Variants in PROS1 observed in about 807,000 individuals in gnomAD.
The protein encoded by PROS1 is vitamin K-dependent protein S.
In PROS1, 29 loss-of-function variants were observed where a neutral mutation model predicts 75.9. The observed-to-expected ratio is 0.38, with a 90% CI of 0.28 to 0.52. PROS1 has a LOEUF of 0.52. Ranked by LOEUF, PROS1 falls within the 20% of genes least tolerant of loss-of-function variation. The probability of loss-of-function intolerance (pLI) is 0.83; values close to 1 mark genes in which losing one functional copy is unlikely to be tolerated. For synonymous variants in PROS1, 245 were observed against 280.6 expected, an observed-to-expected ratio of 0.87 and a Z score of 1.27; for missense variants, 680 against 810.3, an observed-to-expected ratio of 0.84 and a Z score of 1.95.
intron 1 of PROS1, among the ~76,000 whole-genome samples, chr3:93,957,605 T>G (rs1261916555): frequency 6.6e-6 from 1 of 152,186 alleles, no homozygotes; most frequent in Non-Finnish European, 1.5e-5. Context: ...GTGATGGATA[T>G]GCTAATTTGC....
chr3:93,952,931 T>C (rs1460722337), intron 1 of PROS1, among the ~76,000 whole-genome samples: 1 of 152,130 alleles, frequency 6.6e-6, no homozygotes, highest in African/African-American at 2.4e-5. Context: ...CTAACTACCA[T>C]CAGAGAAAAC....
chr3:93,881,957 T>C (rs1249576988), intron 12 of PROS1, among the ~76,000 whole-genome samples: 5 of 152,120 alleles, frequency 3.3e-5, no homozygotes, highest in Admixed American at 6.6e-5. Flanking sequence ...TAATGCAAAG[T>C]GTTAGTAGCT....
intron 1 of PROS1, among the ~76,000 whole-genome samples, chr3:93,956,054 A>T (rs1407409719): frequency 6.6e-6 from 1 of 152,166 alleles, no homozygotes; most frequent in African/African-American, 2.4e-5. Flanking sequence ...ATCAGAAGAA[A>T]GTTTCCATCC....
chr3:93,952,162 A>G (rs1191798046), intron 1 of PROS1, among the ~76,000 whole-genome samples: 1 of 152,168 alleles, frequency 6.6e-6, no homozygotes, highest in Non-Finnish European at 1.5e-5. Flanking sequence ...TGTCAACATT[A>G]GATCAATGAG....
chr3:93,880,584 TG>T (rs1708262632), intron 12 of PROS1, among the ~76,000 whole-genome samples: 1 of 152,176 alleles, frequency 6.6e-6, no homozygotes. Context: ...GCACATATTT[TG>T]GGGTACATAT....
chr3:93,905,159 GA>G (rs1352140307), intron 6 of PROS1, among the ~76,000 whole-genome samples: 6 of 152,160 alleles, frequency 3.9e-5, no homozygotes, highest in Admixed American at 3.3e-4. Context: ...TATAATGTCT[GA>G]AAACAGGATA....
At chr3:93,950,800 C>T (rs1709483390) in intron 1 of PROS1, among the ~76,000 whole-genome samples, 1 of 152,128 alleles carries the variant, frequency 6.6e-6, no homozygotes, top group South Asian at 2.1e-4. Flanking sequence ...GGAATGCAGC[C>T]CCTCACTGGC....
At chr3:93,954,434 C>T (rs1232915765) in intron 1 of PROS1, among the ~76,000 whole-genome samples, 2 of 152,090 alleles carry the variant, frequency 1.3e-5, no homozygotes, top group Non-Finnish European at 2.9e-5. Context: ...CATCTACAAC[C>T]ACCTGATCTT....
chr3:93,876,100 T>A (rs905146524), intron 14 of PROS1, among the ~76,000 whole-genome samples: 3 of 152,212 alleles, frequency 2.0e-5, no homozygotes, highest in Non-Finnish European at 2.9e-5. Flanking sequence ...TTCTAACACA[T>A]ATCTCCGATC....
At chr3:93,923,088 G>T (rs1413160532) in intron 3 of PROS1, among the ~76,000 whole-genome samples, 1 of 152,102 alleles carries the variant, frequency 6.6e-6, no homozygotes, top group Non-Finnish European at 1.5e-5. Context: ...TCTGAGCCTG[G>T]ATCCCACATC....
At chr3:93,936,293 C>T (rs1388758876) in intron 1 of PROS1, among the ~76,000 whole-genome samples, 1 of 152,068 alleles carries the variant, frequency 6.6e-6, no homozygotes, top group Non-Finnish European at 1.5e-5. Context: ...AGTTGAAAAA[C>T]TAACTGTTGT....
rs541272849 is a variant in PROS1, at chr3:93,952,068, C to G, written c.76+21606G>C. ...ATATATGCACCCAATACAGGAGCACCCAGATTCACAAAGCAAGTCCTTAGA... is the reference window on the plus strand; with the variant it reads ...ATATATGCACCCAATACAGGAGCACGCAGATTCACAAAGCAAGTCCTTAGA... On this transcript the variant is annotated intron_variant, in intron 1 of 14. Coordinates refer to ENST00000394236, the MANE Select transcript of PROS1 (RefSeq NM_000313.4). Among the ~76,000 whole-genome samples, 149 of 152,186 alleles carry G rather than the reference C, an allele frequency of 9.8e-4. 1 individual carries two copies. The highest frequency in any genetic ancestry group is 3.2e-3 in the African/African-American group (132 of 41,510).
intron 1 of PROS1, among the ~76,000 whole-genome samples, chr3:93,954,155 G>A (rs1709559357): frequency 6.6e-6 from 1 of 152,142 alleles, no homozygotes; most frequent in South Asian, 2.1e-4. Flanking sequence ...ACTGCCCAAG[G>A]TAATTTATGG....
chr3:93,928,783 T>C, intron 1 of PROS1: 1 of 1,267,268 alleles, frequency 7.9e-7, no homozygotes, highest in Non-Finnish European at 1.0e-6. Flanking sequence ...AAATCATTTC[T>C]AAAATATAAA....
chr3:93,908,330 T>C (rs950717894), intron 4 of PROS1, among the ~76,000 whole-genome samples: 3 of 152,110 alleles, frequency 2.0e-5, no homozygotes, highest in African/African-American at 4.8e-5. Context: ...AGACCTACAA[T>C]TGGACCACAT....
chr3:93,963,069 C>G (rs1709732724), intron 1 of PROS1, among the ~76,000 whole-genome samples: 1 of 152,190 alleles, frequency 6.6e-6, no homozygotes. Context: ...TTCTGAAGAG[C>G]AAGGTCCTCT....
rs1323663956 is a variant in PROS1 at position 93,884,766 on chromosome 3, T to G, written c.1454A>C (p.Tyr485Ser). ...CLVTVEKGSY[Y>S]PGSGIAQFHI... ...AAATTGAGCAATTCCAGAACCAGGA[T>G]AGTAGGAGCCCTTCTCCACAGTAAC... The change falls in exon 12 of 15, where the codon TAT (tyrosine) becomes TCT (serine). Residue 485 changes from tyrosine to serine, a missense_variant. Tyr to Ser is a moderately radical substitution (Grantham distance 144). Transcript: ENST00000394236. 1 of 1,613,902 alleles carries G rather than the reference T, an allele frequency of 6.2e-7. No individual in the cohort carries two copies. Among genetic ancestry groups the G allele is most frequent in the Non-Finnish European group, 8.5e-7 (1 of 1,179,908 alleles).
At position 93,905,860 on chromosome 3, in the gene PROS1, A is replaced by C. The variant is rs1386259311; in HGVS notation, c.525T>G (p.Cys175Trp). 6.2e-7 allele frequency: 1 copy of C among 1,613,210 alleles called. No homozygotes were observed. Among genetic ancestry groups the C allele is most frequent in the Non-Finnish European group, 8.5e-7 (1 of 1,179,216 alleles). ...SNINGGCSQI[C>W]DNTPGSYHCS... ...AGTGGTAACTTCCAGGTGTATTATC[A>C]CAAATTTGACTGCAACCTCCATTTA... The change falls in exon 6 of 15, where the codon TGT becomes TGG. Residue 175 changes from cysteine to tryptophan, a missense_variant. Physicochemically the swap from Cys to Trp is radical, Grantham distance 215. Transcript: ENST00000394236.
intron 3 of PROS1, among the ~76,000 whole-genome samples, chr3:93,915,679 A>T (rs999558092): frequency 1.3e-5 from 2 of 152,088 alleles, no homozygotes; most frequent in East Asian, 1.9e-4. Context: ...TCCATCTAGG[A>T]TCTCATCAGA....
Sources: gnomAD v4.1 joint callset for allele counts (sites outside exome capture counted in the v4.1 genomes callset) on GRCh38, gnomAD v4.1.1 for gene constraint, MANE v1.5 for transcripts, NCBI Gene and HGNC (gene_info 2026-07-23, HGNC 2026-07-21) for gene names.